SOCS5: variants seen among roughly 807,000 people sequenced by gnomAD.
SOCS5 encodes the protein suppressor of cytokine signaling 5, also known as CIS-6.
A neutral mutation model predicts 42.8 loss-of-function variants in SOCS5; 32 were observed. The observed-to-expected ratio is 0.75, with a 90% confidence interval of 0.56 to 1.01. The LOEUF is 1.01. SOCS5 is among the 50% of genes least tolerant of loss of function. SOCS5 has a pLI of 0.00. For missense variants in SOCS5, 627 were observed against 653.0 expected (o/e 0.96, Z 0.43); for synonymous variants, 283 against 229.6 (o/e 1.23, Z -2.10).
At chr2:46,747,651 A>G (rs1257754927) in intron 1 of SOCS5, among the ~76,000 whole-genome samples, 2 of 152,078 alleles carry the variant, frequency 1.3e-5, no homozygotes, top group South Asian at 2.1e-4. Flanking sequence ...TGGTCATTGT[A>G]CTTACACGTA....
At chr2:46,738,373 G>T (rs1673299001) in intron 1 of SOCS5, among the ~76,000 whole-genome samples, 1 of 152,136 alleles carries the variant, frequency 6.6e-6, no homozygotes, top group South Asian at 2.1e-4. Context: ...CTTGAAAAAA[G>T]AAACTGTTGA....
At chr2:46,708,747 A>G (rs1276371575) in intron 1 of SOCS5, among the ~76,000 whole-genome samples, 1 of 152,180 alleles carries the variant, frequency 6.6e-6, no homozygotes, top group African/African-American at 2.4e-5. Context: ...AATCCTGGCT[A>G]GCCATCCAGT....
intron 1 of SOCS5, among the ~76,000 whole-genome samples, chr2:46,745,148 A>C (rs1203735304): frequency 2.6e-5 from 4 of 152,124 alleles, no homozygotes; most frequent in African/African-American, 9.7e-5. Flanking sequence ...TTTTGGGGAT[A>C]TTAATGTAGC....
intron 1 of SOCS5, among the ~76,000 whole-genome samples, chr2:46,732,999 T>A (rs1673158728): frequency 6.6e-6 from 1 of 152,010 alleles, no homozygotes; most frequent in African/African-American, 2.4e-5. Context: ...ATTGGAGAGA[T>A]TTTAACATCT....
intron 1 of SOCS5, among the ~76,000 whole-genome samples, chr2:46,750,173 G>A (rs77969118): frequency 0.061 from 9,265 of 152,164 alleles, 317 homozygotes; most frequent in Middle Eastern, 0.13. Context: ...ATGTTTGATT[G>A]TTTTATTGCC....
chr2:46,736,757 C>G (rs1673260573), intron 1 of SOCS5, among the ~76,000 whole-genome samples: 1 of 152,286 alleles, frequency 6.6e-6, no homozygotes, highest in Admixed American at 6.5e-5. Flanking sequence ...TACCCCTAAA[C>G]ACCTATTACC....
At chr2:46,712,692 T>A (rs1271737130) in intron 1 of SOCS5, among the ~76,000 whole-genome samples, 1 of 152,222 alleles carries the variant, frequency 6.6e-6, no homozygotes, top group African/African-American at 2.4e-5. Context: ...GCTTATGTGG[T>A]ATTTCTTCTT....
intron 1 of SOCS5, among the ~76,000 whole-genome samples, chr2:46,714,754 A>G (rs534313271): frequency 2.0e-5 from 3 of 152,252 alleles, no homozygotes; most frequent in African/African-American, 7.2e-5. Flanking sequence ...GATATAGTTG[A>G]ATGAAACTGT....
chr2:46,747,747 C>G (rs950871005), intron 1 of SOCS5, among the ~76,000 whole-genome samples: 2 of 152,098 alleles, frequency 1.3e-5, no homozygotes, highest in Admixed American at 6.5e-5. Context: ...ATAAAGTTTG[C>G]TTAAATTGAA....
intron 1 of SOCS5, among the ~76,000 whole-genome samples, chr2:46,732,886 T>C (rs1673155996): frequency 6.6e-6 from 1 of 152,196 alleles, no homozygotes; most frequent in Non-Finnish European, 1.5e-5. Context: ...GTTAGTCTTT[T>C]ATATGGTGAT....
At chr2:46,724,091 G>T (rs1478280074) in intron 1 of SOCS5, among the ~76,000 whole-genome samples, 1 of 151,928 alleles carries the variant, frequency 6.6e-6, no homozygotes, top group East Asian at 1.9e-4. Context: ...TGACTTTTGT[G>T]TGTTGACCTG....
chr2:46,741,042 T>C lies in SOCS5; in HGVS notation c.-12-17477T>C, dbSNP rs150737232. Among the ~76,000 whole-genome samples, 438 of 152,306 alleles carry C rather than the reference T, an allele frequency of 2.9e-3. 2 individuals are homozygous for C. The Middle Eastern group carries it at 0.031, about 11-fold the overall frequency. On this transcript the variant is annotated intron_variant, in intron 1 of 1. Coordinates refer to ENST00000394861, the MANE Select transcript of SOCS5 (RefSeq NM_144949.3). Reference sequence around the variant, plus strand: ...TCACGCTGGCTTGAGTGGAGACCTGTATTTGCGATTCCTTTCTCCATTGAT... The same window carrying C: ...TCACGCTGGCTTGAGTGGAGACCTGCATTTGCGATTCCTTTCTCCATTGAT...
intron 1 of SOCS5, among the ~76,000 whole-genome samples, chr2:46,757,348 G>A (rs1377263437): frequency 6.6e-6 from 1 of 152,134 alleles, no homozygotes; most frequent in East Asian, 1.9e-4. Context: ...TTGACTTTTA[G>A]CTACTGAACT....
intron 1 of SOCS5, among the ~76,000 whole-genome samples, chr2:46,703,205 T>C (rs1298463329): frequency 1.3e-5 from 2 of 152,256 alleles, no homozygotes; most frequent in African/African-American, 2.4e-5. Flanking sequence ...AATGTTACTG[T>C]ACTAGTAATA....
chr2:46,713,349 C>G (rs1229741977), intron 1 of SOCS5, among the ~76,000 whole-genome samples: 2 of 152,164 alleles, frequency 1.3e-5, no homozygotes, highest in Non-Finnish European at 2.9e-5. Flanking sequence ...GAGTGAGTCT[C>G]TGGGTCTAAA....
chr2:46,711,635 CAA>C (rs1672624818), intron 1 of SOCS5, among the ~76,000 whole-genome samples: 4 of 152,152 alleles, frequency 2.6e-5, no homozygotes, highest in African/African-American at 9.7e-5. Context: ...TCTATTTTAT[CAA>C]TATTTCCTCT....
At chr2:46,704,658 TTTC>T (rs1215343081) in intron 1 of SOCS5, among the ~76,000 whole-genome samples, 1 of 152,216 alleles carries the variant, frequency 6.6e-6, no homozygotes, top group Admixed American at 6.5e-5. Flanking sequence ...AGCCTCATCA[TTTC>T]TTAAGTGACT....
chr2:46,737,688 G>C (rs1200370404), intron 1 of SOCS5, among the ~76,000 whole-genome samples: 1 of 152,126 alleles, frequency 6.6e-6, no homozygotes, highest in Non-Finnish European at 1.5e-5. Context: ...GGTTTAAACA[G>C]AATTTCACAG....
chr2:46,738,723 A>T (rs1403340825), intron 1 of SOCS5, among the ~76,000 whole-genome samples: 3 of 152,188 alleles, frequency 2.0e-5, no homozygotes, highest in African/African-American at 7.2e-5. Context: ...CATAGCTTCT[A>T]TGTATGTGTT....
Sources: gnomAD v4.1 joint callset for allele counts (sites outside exome capture counted in the v4.1 genomes callset) on GRCh38, gnomAD v4.1.1 for gene constraint, MANE v1.5 for transcripts, NCBI Gene and HGNC (gene_info 2026-07-23, HGNC 2026-07-21) for gene names.